The following DPT variants were observed in gnomAD, a reference collection of about 807,000 sequenced individuals.
The protein encoded by DPT is tyrosine-rich acidic matrix protein.
In DPT, 21 loss-of-function variants were observed where a neutral mutation model predicts 31.2. The observed-to-expected ratio is 0.67, with a 90% confidence interval of 0.48 to 0.97. DPT has a LOEUF of 0.97. DPT is among the 50% of genes least tolerant of loss of function. DPT has a pLI of 0.00. For synonymous variants in DPT, 91 were observed against 86.9 expected (o/e 1.05, Z -0.26); for missense variants, 262 against 258.8 (o/e 1.01, Z -0.08).
At chr1:168,712,124 A>G (rs768681552) in intron 2 of DPT, among the ~76,000 whole-genome samples, 1 of 152,214 alleles carries the variant, frequency 6.6e-6, no homozygotes, top group African/African-American at 2.4e-5. Flanking sequence ...AAATACAAAG[A>G]TCAGTGAGTG....
chr1:168,721,141 G>A (rs1184494066), intron 1 of DPT, among the ~76,000 whole-genome samples: 1 of 152,182 alleles, frequency 6.6e-6, no homozygotes, highest in Non-Finnish European at 1.5e-5. Context: ...GAGTGGTTGG[G>A]GACAGTGGAG....
intron 2 of DPT, among the ~76,000 whole-genome samples, chr1:168,703,918 T>C (rs909377819): frequency 6.6e-6 from 1 of 152,214 alleles, no homozygotes; most frequent in African/African-American, 2.4e-5. Context: ...TTGATGACAC[T>C]GCATGTGCAC....
intron 2 of DPT, 64 bp downstream of exon 2, chr1:168,714,157 A>G (rs1012225785): frequency 2.2e-5 from 35 of 1,608,300 alleles, no homozygotes; most frequent in Non-Finnish European, 2.7e-5. Context: ...CTGAAGCTAG[A>G]GCACTTCCTA....
intron 1 of DPT, among the ~76,000 whole-genome samples, chr1:168,722,037 G>T (rs523447): frequency 0.71 from 108,253 of 152,000 alleles, 39,601 homozygotes; most frequent in African/African-American, 0.88. Context: ...AATTCCTCAG[G>T]TTTTTTTGGA....
At chr1:168,699,272 C>T (rs1250204443) in intron 3 of DPT, among the ~76,000 whole-genome samples, 2 of 152,036 alleles carry the variant, frequency 1.3e-5, no homozygotes, top group Admixed American at 1.3e-4. Flanking sequence ...GGAGCATGGC[C>T]CTGCTAAATG....
At chr1:168,728,367 T>C (rs1486245301) in intron 1 of DPT, among the ~76,000 whole-genome samples, 1 of 152,196 alleles carries the variant, frequency 6.6e-6, no homozygotes, top group Admixed American at 6.5e-5. Flanking sequence ...TCTAAATCAA[T>C]AGTTCTCAAA....
At chr1:168,720,094 A>G (rs1273823307) in intron 1 of DPT, among the ~76,000 whole-genome samples, 1 of 152,100 alleles carries the variant, frequency 6.6e-6, no homozygotes, top group Non-Finnish European at 1.5e-5. Flanking sequence ...TTGAGGAATC[A>G]GCAGACATGA....
chr1:168,697,125 G>A (rs1174346881), intron 3 of DPT, among the ~76,000 whole-genome samples: 2 of 152,010 alleles, frequency 1.3e-5, no homozygotes, highest in South Asian at 2.1e-4. Context: ...TTAGCTGGGT[G>A]TGGTGGTGCA....
At chr1:168,714,722 G>A (rs148141569) in intron 1 of DPT, among the ~76,000 whole-genome samples, 123 of 152,196 alleles carry the variant, frequency 8.1e-4, no homozygotes, top group Non-Finnish European at 1.3e-3. Flanking sequence ...TCATTTTACT[G>A]GAATTTAAAA....
intron 2 of DPT, among the ~76,000 whole-genome samples, chr1:168,712,010 T>C (rs1649877476): frequency 6.6e-6 from 1 of 152,190 alleles, no homozygotes; most frequent in African/African-American, 2.4e-5. Flanking sequence ...TTATATTTTC[T>C]GGGCCACTTC....
chr1:168,696,572 C>T lies in DPT; in HGVS notation c.583G>A (p.Asp195Asn), dbSNP rs754102623. The change falls in exon 4 of 4, where the codon GAC (aspartate) becomes AAC (asparagine). Residue 195 changes from aspartate to asparagine, a missense_variant. Asp to Asn is a conservative substitution (Grantham distance 23). Coordinates refer to ENST00000367817, the MANE Select transcript of DPT (RefSeq NM_001937.5). Reference protein sequence around the residue: ...KFIMCRMTEYDCEFANV With the variant: ...KFIMCRMTEYNCEFANV ...ATCTAAACATTTGCAAATTCACAGT[C>T]GTATTCAGTCATCCGGCACATTATG... The T allele has an allele frequency of 1.1e-5, 17 of 1,614,018 alleles. No homozygotes were observed. The highest frequency in any genetic ancestry group is 4.4e-5 in the South Asian group (4 of 91,060).
At chr1:168,717,272 T>C (rs1395907179) in intron 1 of DPT, among the ~76,000 whole-genome samples, 2 of 152,384 alleles carry the variant, frequency 1.3e-5, no homozygotes, top group East Asian at 1.9e-4. Context: ...TGGTATCTTA[T>C]TGTGGTTTTG....
chr1:168,703,691 G>A (rs897810596), intron 2 of DPT, among the ~76,000 whole-genome samples: 1 of 152,200 alleles, frequency 6.6e-6, no homozygotes, highest in Non-Finnish European at 1.5e-5. Context: ...GACTGTCCTA[G>A]AGAAACCTGG....
intron 1 of DPT, among the ~76,000 whole-genome samples, chr1:168,716,335 C>G (rs192073477): frequency 6.6e-6 from 1 of 152,028 alleles, no homozygotes; most frequent in African/African-American, 2.4e-5. Flanking sequence ...GAGATGGGCT[C>G]GGTATTCGGT....
chr1:168,724,062 C>A (rs1650182643), intron 1 of DPT, among the ~76,000 whole-genome samples: 1 of 152,064 alleles, frequency 6.6e-6, no homozygotes, highest in Non-Finnish European at 1.5e-5. Flanking sequence ...AGCATTTAGC[C>A]CTTATGGCTT....
chr1:168,707,403 A>T (rs1649746300), intron 2 of DPT, among the ~76,000 whole-genome samples: 1 of 152,226 alleles, frequency 6.6e-6, no homozygotes, highest in Admixed American at 6.5e-5. Context: ...AGGGAAGCAG[A>T]CTAGATAGAA....
At chr1:168,702,107 G>GC (rs1297424751) in intron 2 of DPT, among the ~76,000 whole-genome samples, 1 of 152,148 alleles carries the variant, frequency 6.6e-6, no homozygotes, top group Non-Finnish European at 1.5e-5. Context: ...GACCAAAACA[G>GC]TCCTTTTACC....
intron 3 of DPT, among the ~76,000 whole-genome samples, chr1:168,697,161 G>A (rs1280088664): frequency 6.6e-6 from 1 of 152,144 alleles, no homozygotes. Context: ...CTACTTGGGA[G>A]GCTGAGGTGG....
In DPT at chr1:168,701,084, C is replaced by G. The variant is rs766507266; in HGVS notation, c.472G>C (p.Asp158His). Reference sequence around the variant, plus strand: ...TAATCATAATTGTAGGAAATCATGTCCATTTCCTCACCATAGTGACCTGGA... The same window carrying G: ...TAATCATAATTGTAGGAAATCATGTGCATTTCCTCACCATAGTGACCTGGA... ...EYPGHYGEEM[D>H]MISYNYDYYI... The change falls in exon 3 of 4, where the codon GAC becomes CAC. Residue 158 changes from aspartate (D) to histidine (H), a missense_variant. Physicochemically the swap from Asp to His is moderately conservative, Grantham distance 81. Coordinates refer to ENST00000367817, the MANE Select transcript of DPT (RefSeq NM_001937.5). 2 of 1,613,768 alleles carry G rather than the reference C, an allele frequency of 1.2e-6. No homozygotes were observed. Among genetic ancestry groups the G allele is most frequent in the Non-Finnish European group, 1.7e-6 (2 of 1,179,900 alleles).
Sources: allele counts gnomAD v4.1 joint callset (sites outside exome capture counted in the v4.1 genomes callset), GRCh38; gene constraint gnomAD v4.1.1; transcripts MANE v1.5; gene names NCBI Gene and HGNC (gene_info 2026-07-23, HGNC 2026-07-21).